COL14A1: variants seen among roughly 807,000 people sequenced by gnomAD.
The protein encoded by COL14A1 is collagen alpha-1(XIV) chain.
Under a neutral mutation model 230.3 loss-of-function variants are expected in COL14A1, and 136 were observed. The observed-to-expected ratio is 0.59, with a 90% confidence interval of 0.51 to 0.68. The LOEUF (loss-of-function observed/expected upper bound fraction) is 0.68. Ranked by LOEUF, COL14A1 falls within the 30% of genes least tolerant of loss-of-function variation. COL14A1 has a pLI of 0.00. For synonymous variants in COL14A1, 792 were observed against 784.1 expected (o/e 1.01, Z -0.17); for missense variants, 1,976 against 2,215.8 (o/e 0.89, Z 2.17).
intron 34 of COL14A1, among the ~76,000 whole-genome samples, chr8:120,291,593 CAAAG>C (rs1820380355): frequency 7.0e-6 from 1 of 142,402 alleles, no homozygotes; most frequent in Admixed American, 7.0e-5. Flanking sequence ...CAAAAAACCA[CAAAG>C]AAAGAGAAAC....
At chr8:120,295,921 C>T (rs1820513915) in intron 34 of COL14A1, among the ~76,000 whole-genome samples, 1 of 151,846 alleles carries the variant, frequency 6.6e-6, no homozygotes, top group Non-Finnish European at 1.5e-5. Flanking sequence ...TCCATACTCT[C>T]AGAATCCGTA....
intron 37 of COL14A1, among the ~76,000 whole-genome samples, chr8:120,313,669 GC>G (rs759980921): frequency 1.7e-4 from 26 of 152,166 alleles, no homozygotes; most frequent in Non-Finnish European, 3.8e-4. Flanking sequence ...AATTGGCATA[GC>G]ACTCTTATTT....
intron 1 of COL14A1, among the ~76,000 whole-genome samples, chr8:120,135,297 T>A (rs1312801623): frequency 6.6e-6 from 1 of 152,164 alleles, no homozygotes; most frequent in Non-Finnish European, 1.5e-5. Flanking sequence ...AGTGTCTCCC[T>A]CTGTTGTCCA....
chr8:120,136,693 G>C (rs1814719903), intron 1 of COL14A1, among the ~76,000 whole-genome samples: 1 of 151,944 alleles, frequency 6.6e-6, no homozygotes, highest in African/African-American at 2.4e-5. Context: ...GCTGGGTGTG[G>C]TGGCTCATGC....
chr8:120,262,964 C>T lies in COL14A1; in HGVS notation c.2966C>T (p.Thr989Ile), dbSNP rs770861808. The change falls in exon 24 of 48, where the codon ACA becomes ATA. Residue 989 changes from threonine (T) to isoleucine (I), a missense_variant. Coordinates refer to ENST00000297848, the MANE Select transcript of COL14A1 (RefSeq NM_021110.4). Reference sequence around the variant, plus strand: ...TCTGAATATAAAATCAGTGTTTATACAAAGCTCCAGGAGATTGAAGGACCT... The same window carrying T: ...TCTGAATATAAAATCAGTGTTTATATAAAGCTCCAGGAGATTGAAGGACCT... ...PDSEYKISVY[T>I]KLQEIEGPSV... 6.2e-7 allele frequency: 1 copy of T among 1,613,370 alleles called. No individual in the cohort carries two copies. The highest frequency in any genetic ancestry group is 2.2e-5 in the East Asian group (1 of 44,840).
At chr8:120,323,549 GGTTTTATATTTAAATTTTT>G (rs1178488395) in intron 40 of COL14A1, among the ~76,000 whole-genome samples, 8 of 151,928 alleles carry the variant, frequency 5.3e-5, no homozygotes, top group Non-Finnish European at 1.2e-4. Flanking sequence ...TATAGTTTTG[GGTTTTATATTTAAATTTTT>G]AATCCATCTT....
chr8:120,128,677 T>C (rs1814433040), intron 1 of COL14A1, among the ~76,000 whole-genome samples: 1 of 152,096 alleles, frequency 6.6e-6, no homozygotes, highest in Non-Finnish European at 1.5e-5. Context: ...TATAGGAAAT[T>C]CTGAGCGTTC....
chr8:120,283,946 A>T (rs1429134816), intron 32 of COL14A1, among the ~76,000 whole-genome samples, 168 bp downstream of exon 32: 1 of 152,202 alleles, frequency 6.6e-6, no homozygotes, highest in Non-Finnish European at 1.5e-5. Flanking sequence ...TTATTCTCTT[A>T]TTCTTTCAAC....
chr8:120,140,639 G>A (rs574825637), intron 1 of COL14A1, among the ~76,000 whole-genome samples: 1 of 152,192 alleles, frequency 6.6e-6, no homozygotes, highest in South Asian at 2.1e-4. Flanking sequence ...TATAAATCTC[G>A]GCGTGAGAGA....
At chr8:120,314,064 T>C in intron 38 of COL14A1, 37 bp downstream of exon 38, 2 of 1,412,148 alleles carry the variant, frequency 1.4e-6, no homozygotes, top group Non-Finnish European at 2.0e-6. Context: ...GGTTTTATTG[T>C]TATCTCTTTT....
At chr8:120,151,353 G>GA (rs907361978) in intron 2 of COL14A1, among the ~76,000 whole-genome samples, 15 of 150,582 alleles carry the variant, frequency 1.0e-4, no homozygotes, top group South Asian at 2.1e-4. Context: ...CATTTTCAGA[G>GA]AAAAAAAAAT....
chr8:120,280,011 A>C lies in COL14A1; in HGVS notation c.3558A>C (p.Ala1186=). Residue 1186 remains alanine (A), a synonymous_variant, in exon 29 of 48, where the codon GCA becomes GCC. Transcript: ENST00000297848. ...TTAGCATTGGCAGTAAGCCCAGCGC[A>C]CGCCATGTCTTCTTTGTGGATGACT... ...ELVSIGSKPS[A]RHVFFVDDFD... is the part of the protein sequence containing the mutation. The C allele has an allele frequency of 6.2e-7, 1 of 1,613,908 alleles. No homozygotes were observed. Among genetic ancestry groups the C allele is most frequent in the Non-Finnish European group, 8.5e-7 (1 of 1,179,876 alleles).
upstream of COL14A1, among the ~76,000 whole-genome samples, chr8:120,124,457 A>G (rs989772973): frequency 2.0e-5 from 3 of 152,116 alleles, no homozygotes; most frequent in African/African-American, 4.8e-5. Flanking sequence ...TTAAACCAGA[A>G]TCTCTGCGGG....
chr8:120,241,589 C>A (rs1222150871), intron 19 of COL14A1, among the ~76,000 whole-genome samples: 1 of 152,088 alleles, frequency 6.6e-6, no homozygotes, highest in Non-Finnish European at 1.5e-5. Flanking sequence ...TCTGTTCTGA[C>A]CTGCAGCATT....
intron 40 of COL14A1, among the ~76,000 whole-genome samples, chr8:120,325,368 T>G (rs1293680841): frequency 6.6e-6 from 1 of 152,236 alleles, no homozygotes; most frequent in African/African-American, 2.4e-5. Context: ...GTGACTAATT[T>G]CATGCATTTT....
intron 40 of COL14A1, among the ~76,000 whole-genome samples, chr8:120,331,169 C>T (rs985192038): frequency 1.3e-5 from 2 of 149,610 alleles, no homozygotes; most frequent in Non-Finnish European, 3.0e-5. Context: ...AAAGATGGCT[C>T]ACTGGAAAAG....
At chr8:120,277,198 T>C (rs1819881240) in intron 26 of COL14A1, among the ~76,000 whole-genome samples, 1 of 152,182 alleles carries the variant, frequency 6.6e-6, no homozygotes, top group African/African-American at 2.4e-5. Flanking sequence ...CTGTTGACTC[T>C]GCCAGTGACC....
intron 19 of COL14A1, among the ~76,000 whole-genome samples, chr8:120,240,014 C>T (rs1164167011): frequency 2.0e-5 from 3 of 151,658 alleles, no homozygotes; most frequent in Non-Finnish European, 4.4e-5. Flanking sequence ...ATAATTTTTC[C>T]TTTTCTAGTT....
chr8:120,149,378 T>G (rs1815196097), intron 2 of COL14A1, among the ~76,000 whole-genome samples: 1 of 152,226 alleles, frequency 6.6e-6, no homozygotes, highest in South Asian at 2.1e-4. Flanking sequence ...TCCAACTACT[T>G]CATTGAACAC....
Sources: gnomAD v4.1 joint callset for allele counts (sites outside exome capture counted in the v4.1 genomes callset) on GRCh38, gnomAD v4.1.1 for gene constraint, MANE v1.5 for transcripts, NCBI Gene and HGNC (gene_info 2026-07-23, HGNC 2026-07-21) for gene names.